Variants in GRHL2 observed in about 807,000 individuals in gnomAD.
The protein encoded by GRHL2 is grainyhead-like protein 2 homolog.
In GRHL2, 21 loss-of-function variants were observed where a neutral mutation model predicts 83.8. The ratio of observed to expected loss-of-function variants is 0.25; its 90% CI spans 0.18 to 0.36. The LOEUF is 0.36. GRHL2 is among the 10% of genes least tolerant of loss of function. The probability of loss-of-function intolerance (pLI) is 1.00; values close to 1 mark genes in which losing one functional copy is unlikely to be tolerated. For missense variants in GRHL2, 623 were observed against 781.8 expected, an observed-to-expected ratio of 0.80 and a Z score of 2.42; for synonymous variants, 280 against 278.9, an observed-to-expected ratio of 1.00 and a Z score of -0.04.
intron 14 of GRHL2, among the ~76,000 whole-genome samples, chr8:101,652,597 T>TG (rs1813693670): frequency 4.4e-5 from 4 of 91,410 alleles, no homozygotes; most frequent in African/African-American, 2.2e-4. Flanking sequence ...TCTGTGTGTG[T>TG]GTGGTGTGTG....
intron 8 of GRHL2, among the ~76,000 whole-genome samples, chr8:101,610,334 G>T (rs772634300): frequency 1.4e-4 from 21 of 151,020 alleles, no homozygotes; most frequent in Non-Finnish European, 2.8e-4. Flanking sequence ...TCCCCAGGGA[G>T]AGAATCCAGC....
the GRHL2 span, among the ~76,000 whole-genome samples, chr8:101,676,848 G>T: frequency 1.4e-4 from 22 of 152,088 alleles, no homozygotes; most frequent in South Asian, 8.4e-4. Context: ...TAAGAAAATG[G>T]GGCACATATA....
At chr8:101,560,851 CT>C (rs1374346170) in intron 4 of GRHL2, among the ~76,000 whole-genome samples, 5 of 152,144 alleles carry the variant, frequency 3.3e-5, no homozygotes, top group African/African-American at 1.2e-4. Flanking sequence ...ATTGGGTTTT[CT>C]TCCTTTTATT....
chr8:101,589,860 T>C (rs1221217216), intron 7 of GRHL2, among the ~76,000 whole-genome samples: 1 of 152,170 alleles, frequency 6.6e-6, no homozygotes, highest in Non-Finnish European at 1.5e-5. Flanking sequence ...TATGGAAAGG[T>C]GCTCATCTGG....
intron 8 of GRHL2, among the ~76,000 whole-genome samples, chr8:101,601,477 C>T (rs1470162452): frequency 6.6e-6 from 1 of 152,164 alleles, no homozygotes; most frequent in Admixed American, 6.5e-5. Context: ...TCATTCCATA[C>T]CACTCATTCA....
intron 9 of GRHL2, among the ~76,000 whole-genome samples, chr8:101,626,338 A>T (rs1291568327): frequency 2.0e-5 from 3 of 152,050 alleles, no homozygotes; most frequent in African/African-American, 7.2e-5. Flanking sequence ...TTCCCTAATC[A>T]TTCTTGGTAT....
At chr8:101,641,746 C>CT (rs1813405612) in intron 12 of GRHL2, among the ~76,000 whole-genome samples, 1 of 152,142 alleles carries the variant, frequency 6.6e-6, no homozygotes, top group Admixed American at 6.5e-5. Context: ...CTCTCCAGTC[C>CT]TTTTGTGGTA....
chr8:101,612,754 ATCTTC>A (rs1043405975), intron 8 of GRHL2, among the ~76,000 whole-genome samples: 2 of 151,004 alleles, frequency 1.3e-5, no homozygotes, highest in African/African-American at 2.5e-5. Context: ...AAAATAATTT[ATCTTC>A]TCTTAAGTAG....
Position 101,492,805 on chromosome 8 carries a change from G to A in GRHL2, c.20+16G>A, listed in dbSNP as rs1008187088. 6 of 1,613,426 alleles carry A rather than the reference G, an allele frequency of 3.7e-6. No homozygotes were observed. In the African/African-American group the frequency reaches 4.0e-5, roughly 11 times the overall value. On this transcript the variant is annotated intron_variant, in intron 1 of 15. Coordinates refer to ENST00000646743, the MANE Select transcript of GRHL2 (RefSeq NM_024915.4). Reference sequence around the variant, plus strand: ...AGTCGGACAAGTAAGTGGATCACACGCGCCGGCTGCTGCTACTACTACCAC... The same window carrying A: ...AGTCGGACAAGTAAGTGGATCACACACGCCGGCTGCTGCTACTACTACCAC...
At chr8:101,546,094 A>G (rs560623550) in intron 2 of GRHL2, among the ~76,000 whole-genome samples, 1 of 151,950 alleles carries the variant, frequency 6.6e-6, no homozygotes, top group East Asian at 1.9e-4. Flanking sequence ...ATTGGCCAGG[A>G]TGGTCTCGAT....
At chr8:101,570,073 C>G (rs1310652168) in intron 4 of GRHL2, among the ~76,000 whole-genome samples, 1 of 152,190 alleles carries the variant, frequency 6.6e-6, no homozygotes, top group Non-Finnish European at 1.5e-5. Context: ...GAGGAAACAG[C>G]TTCCAGTACC....
chr8:101,589,032 C>T (rs114831473), intron 7 of GRHL2, among the ~76,000 whole-genome samples: 1,925 of 152,282 alleles, frequency 0.013, 16 homozygotes, highest in Middle Eastern at 0.058. Flanking sequence ...TGCTGATTAA[C>T]CACTTTGGGC....
chr8:101,605,357 C>T (rs1812612470), intron 8 of GRHL2, among the ~76,000 whole-genome samples: 1 of 152,184 alleles, frequency 6.6e-6, no homozygotes, highest in African/African-American at 2.4e-5. Flanking sequence ...GAACCCAGGG[C>T]CCTATGAGTC....
chr8:101,543,143 T>C (rs2130121584), intron 1 of GRHL2, 98 bp from the exon 2 acceptor site: 2 of 935,674 alleles, frequency 2.1e-6, no homozygotes, highest in Non-Finnish European at 3.5e-6. Flanking sequence ...TCTGGGGAAA[T>C]AAAAATTAAT....
chr8:101,641,764 C>T (rs1042406272), intron 12 of GRHL2, among the ~76,000 whole-genome samples: 2 of 152,108 alleles, frequency 1.3e-5, no homozygotes, highest in African/African-American at 2.4e-5. Flanking sequence ...GTACATTTAT[C>T]CCTCAGTATC....
At chr8:101,673,861 C>A (rs1330702863), downstream of GRHL2, among the ~76,000 whole-genome samples, 1 of 152,162 alleles carries the variant, frequency 6.6e-6, no homozygotes, top group African/African-American at 2.4e-5. Flanking sequence ...AACTGTCTCT[C>A]AGACCACAGT....
chr8:101,622,439 A>G (rs906534344), intron 9 of GRHL2, among the ~76,000 whole-genome samples: 8 of 152,204 alleles, frequency 5.3e-5, no homozygotes, highest in Admixed American at 2.0e-4. Context: ...TTCAGGATCT[A>G]TTTACCTGTA....
Position 101,649,437 on chromosome 8 carries a change from A to G in GRHL2, c.1636A>G (p.Thr546Ala), listed in dbSNP as rs751884216. The G allele has an allele frequency of 1.9e-6, 3 of 1,613,982 alleles. No individual in the cohort carries two copies. Among genetic ancestry groups the G allele is most frequent in the Admixed American group, 1.7e-5 (1 of 60,010 alleles). The stretch of plus-strand genomic sequence containing the variant: ...AGTGCTCTTGTACGTGAGGAAGGAG[A>G]CTGACGATGTGTTCGATGCATTGAT... ...KRVLLYVRKE[T>A]DDVFDALMLK... The change falls in exon 14 of 16, where the codon ACT becomes GCT. Residue 546 changes from threonine to alanine, a missense_variant. Physicochemically the swap from Thr to Ala is moderately conservative, Grantham distance 58. Transcript: ENST00000646743.
rs928943630 is a variant in GRHL2 at position 101,668,835 on chromosome 8, A to G, written c.*2132A>G. 9.8e-5 allele frequency: 15 copies of G among 152,400 alleles called. No individual in the cohort carries two copies. The highest frequency in any genetic ancestry group is 2.2e-4 in the Non-Finnish European group (15 of 68,066). The allele number at this position is 152,400 out of a possible 1,614,324, so 9.4% of individuals were successfully genotyped here. On this transcript the variant is annotated 3_prime_UTR_variant, in exon 16 of 16. Coordinates refer to ENST00000646743, the MANE Select transcript of GRHL2 (RefSeq NM_024915.4). ...GTAGGAAAAAGACAAAAGATTTGGC[A>G]GCCTGACACAGGCAACCTACCCCTC...
Sources: gnomAD v4.1 joint callset for allele counts (sites outside exome capture counted in the v4.1 genomes callset) on GRCh38, gnomAD v4.1.1 for gene constraint, MANE v1.5 for transcripts, NCBI Gene and HGNC (gene_info 2026-07-23, HGNC 2026-07-21) for gene names.